The following CTTNBP2 variants were observed in gnomAD, a reference collection of about 807,000 sequenced individuals.
The protein encoded by CTTNBP2 is cortactin-binding protein 2.
A neutral mutation model predicts 156.9 loss-of-function variants in CTTNBP2; 108 were observed. That is an observed-to-expected ratio of 0.69 (90% CI 0.59 to 0.81). The LOEUF (loss-of-function observed/expected upper bound fraction) is 0.81. Among genes scored for constraint, CTTNBP2 ranks in the 30% least tolerant of loss-of-function variants. The pLI is 0.00. For missense variants in CTTNBP2, 1,924 were observed against 2,035.4 expected (o/e 0.95, Z 1.05); for synonymous variants, 767 against 751.8 (o/e 1.02, Z -0.33).
intron 2 of CTTNBP2, among the ~76,000 whole-genome samples, chr7:117,818,145 GACCATATACTA>G (rs1371942888): frequency 6.6e-6 from 1 of 152,058 alleles, no homozygotes; most frequent in Non-Finnish European, 1.5e-5. Flanking sequence ...CATTATTACT[GACCATATACTA>G]ACATGATCTA....
Position 117,725,142 on chromosome 7 carries a change from G to A in CTTNBP2, c.4171C>T (p.Pro1391Ser), listed in dbSNP as rs775754250. The change falls in exon 18 of 23, where the codon CCT becomes TCT. Residue 1391 changes from proline to serine, a missense_variant. Coordinates refer to ENST00000160373, the MANE Select transcript of CTTNBP2 (RefSeq NM_033427.3). Reference protein sequence around the residue: ...GFGQTTAKRHPSQGQQAVVKA... With the variant: ...GFGQTTAKRHSSQGQQAVVKA... ...ACCACAGCCTGCTGTCCTTGGCTAG[G>A]GTGTCTTTTAGCAGTTGTCTGCCCA... The A allele has an allele frequency of 6.2e-7, 1 of 1,613,602 alleles. No homozygotes were observed. Among genetic ancestry groups the A allele is most frequent in the South Asian group, 1.1e-5 (1 of 91,048 alleles).
At chr7:117,782,299 A>T (rs1798476105) in intron 6 of CTTNBP2, among the ~76,000 whole-genome samples, 1 of 152,200 alleles carries the variant, frequency 6.6e-6, no homozygotes, top group Admixed American at 6.5e-5. Flanking sequence ...TAAGCTACTA[A>T]AGAAATCATT....
rs200540089 is a variant in CTTNBP2, at chr7:117,753,260, T to C, written c.3348+3295A>G. On this transcript the variant is annotated intron_variant, in intron 12 of 22. Coordinates refer to ENST00000160373, the MANE Select transcript of CTTNBP2 (RefSeq NM_033427.3). ...TAAAAAGTCCAGAGACAACAGATGC[T>C]GGCAAGGTTGTGGAGAAAAAGGAAC... Among the ~76,000 whole-genome samples, 4 of 152,258 alleles carry C rather than the reference T, an allele frequency of 2.6e-5. No individual in the cohort carries two copies. The East Asian group carries it at 7.7e-4, about 29-fold the overall frequency.
intron 2 of CTTNBP2, among the ~76,000 whole-genome samples, chr7:117,830,242 C>T (rs184052623): frequency 5.3e-5 from 8 of 152,214 alleles, no homozygotes; most frequent in East Asian, 1.9e-4. Context: ...ACATGTACAG[C>T]GTGTACAACA....
chr7:117,819,248 T>TGGGAA (rs1390599803), intron 2 of CTTNBP2, among the ~76,000 whole-genome samples: 1 of 152,076 alleles, frequency 6.6e-6, no homozygotes, highest in Admixed American at 6.6e-5. Context: ...TAAAAGGGAA[T>TGGGAA]GGGAAGCCAG....
At chr7:117,822,473 T>C (rs1334365627) in intron 2 of CTTNBP2, among the ~76,000 whole-genome samples, 1 of 152,206 alleles carries the variant, frequency 6.6e-6, no homozygotes, top group Non-Finnish European at 1.5e-5. Flanking sequence ...AGGTCATTGA[T>C]TTTACATCTT....
At chr7:117,871,271 G>A (rs879435226) in intron 1 of CTTNBP2, among the ~76,000 whole-genome samples, 2 of 152,144 alleles carry the variant, frequency 1.3e-5, no homozygotes, top group Admixed American at 1.3e-4. Flanking sequence ...TATAGGTCAA[G>A]CGGCTGATAT....
chr7:117,764,272 C>T (rs1355055086), intron 9 of CTTNBP2, among the ~76,000 whole-genome samples: 1 of 152,150 alleles, frequency 6.6e-6, no homozygotes. Context: ...AAAAGGAATA[C>T]AAGGCCTTTT....
intron 3 of CTTNBP2, among the ~76,000 whole-genome samples, chr7:117,805,405 AT>A (rs1329094912): frequency 6.6e-6 from 1 of 152,192 alleles, no homozygotes; most frequent in Non-Finnish European, 1.5e-5. Flanking sequence ...GCAGTTAAGT[AT>A]GTGGACTCTG....
rs10245327 is a variant in CTTNBP2, at chr7:117,763,439, G to A, written c.2897-2729C>T. Reference sequence around the variant, plus strand: ...TAACTTCTATTTGCCAAATGCAATCGACTCTTTTTAATCCTTATAGTCTAG... The same window carrying A: ...TAACTTCTATTTGCCAAATGCAATCAACTCTTTTTAATCCTTATAGTCTAG... On this transcript the variant is annotated intron_variant, in intron 9 of 22. Coordinates refer to ENST00000160373, the MANE Select transcript of CTTNBP2 (RefSeq NM_033427.3). 9.2e-3 allele frequency among the ~76,000 whole-genome samples: 1,403 copies of A among 151,896 alleles called. 23 individuals are homozygous for A. The highest frequency in any genetic ancestry group is 0.031 in the African/African-American group (1,291 of 41,440).
At chr7:117,742,044 T>TA (rs1460088577) in intron 14 of CTTNBP2, among the ~76,000 whole-genome samples, 1 of 152,222 alleles carries the variant, frequency 6.6e-6, no homozygotes, top group Non-Finnish European at 1.5e-5. Flanking sequence ...TGCCTTGACA[T>TA]ACAGTTGGGT....
chr7:117,835,227 G>C (rs534178301), intron 2 of CTTNBP2, among the ~76,000 whole-genome samples: 1 of 152,292 alleles, frequency 6.6e-6, no homozygotes, highest in East Asian at 1.9e-4. Flanking sequence ...AGGATGGCAT[G>C]GTGAATTATC....
chr7:117,711,935 G>GTAA (rs1554402017), intron 22 of CTTNBP2, among the ~76,000 whole-genome samples, 153 bp from the exon 23 acceptor site: 1 of 152,182 alleles, frequency 6.6e-6, no homozygotes, highest in African/African-American at 2.4e-5. Flanking sequence ...GAGAAGCTGA[G>GTAA]TAATTAATTT....
intron 2 of CTTNBP2, among the ~76,000 whole-genome samples, chr7:117,836,380 C>T (rs55924734): frequency 5.1e-4 from 77 of 152,040 alleles, no homozygotes; most frequent in Non-Finnish European, 9.9e-4. Context: ...CTGGCTAACA[C>T]GACGAAACCC....
chr7:117,818,372 C>T (rs544174664), intron 2 of CTTNBP2, among the ~76,000 whole-genome samples: 1 of 152,180 alleles, frequency 6.6e-6, no homozygotes, highest in Non-Finnish European at 1.5e-5. Flanking sequence ...CCGCTCAACA[C>T]AGCTGTCACT....
At chr7:117,719,368 G>T in intron 21 of CTTNBP2, 136 bp downstream of exon 21, 2 of 796,320 alleles carry the variant, frequency 2.5e-6, no homozygotes, top group African/African-American at 1.7e-5. Context: ...GCCTTTCTAA[G>T]CAAGGTGAGG....
chr7:117,724,561 T>A lies in CTTNBP2; in HGVS notation c.4433A>T (p.Asp1478Val). The A allele has an allele frequency of 1.2e-6, 2 of 1,613,572 alleles. No individual in the cohort carries two copies. Residue 1478 changes from aspartate to valine, a missense_variant, in exon 19 of 23, where the codon GAC becomes GTC. Asp to Val is a radical substitution (Grantham distance 152). Coordinates refer to ENST00000160373, the MANE Select transcript of CTTNBP2 (RefSeq NM_033427.3). ...RFSLPTWNKP[D>V]LSTEGMKNKT... ...CCGCCCTTTACCTTCAGTGCTTAGG[T>A]CTGGCTTATTCCAGGTGGGTAAAGA...
rs966518041 is a variant in CTTNBP2 at position 117,721,064 on chromosome 7, T to A, written c.4511+3A>T. On this transcript the variant is annotated splice_donor_region_variant and intron_variant, in intron 20 of 22. Transcript: ENST00000160373. ...GTGAGTTAAATTTGAAAGGGGAACT[T>A]ACTTTTGTTTTGACAGAGAAGCATT... 6.3e-7 allele frequency: 1 copy of A among 1,578,568 alleles called. No homozygotes were observed. The highest frequency in any genetic ancestry group is 8.7e-7 in the Non-Finnish European group (1 of 1,147,778).
At position 117,857,554 on chromosome 7, in the gene CTTNBP2, A is replaced by T. The variant is rs530763444; in HGVS notation, c.189+3655T>A. Among the ~76,000 whole-genome samples the T allele has an allele frequency of 2.6e-5, 4 of 152,338 alleles. No homozygotes were observed. In the South Asian group the frequency reaches 8.3e-4, roughly 32 times the overall value. ...TCTGAAATATATGTTTAAAGATTTT[A>T]AAATTCTAAAGAATTTGTCTCACAA... On this transcript the variant is annotated intron_variant, in intron 2 of 22. Coordinates refer to ENST00000160373, the MANE Select transcript of CTTNBP2 (RefSeq NM_033427.3).
Sources: allele counts gnomAD v4.1 joint callset (sites outside exome capture counted in the v4.1 genomes callset), GRCh38; gene constraint gnomAD v4.1.1; transcripts MANE v1.5; gene names NCBI Gene and HGNC (gene_info 2026-07-23, HGNC 2026-07-21).